Variants in CHST9 observed in about 807,000 individuals in gnomAD.
CHST9 encodes the protein carbohydrate sulfotransferase 9.
CHST9 carries 41 observed loss-of-function variants against 44.4 expected under a neutral mutation model. The ratio of observed to expected loss-of-function variants is 0.92; its 90% CI spans 0.72 to 1.20. The LOEUF (loss-of-function observed/expected upper bound fraction) is 1.20, where lower values mean the gene tolerates loss of function less well. Among genes scored for constraint, CHST9 ranks in the 50% most tolerant of loss-of-function variants. The pLI is 0.00. For synonymous variants in CHST9, 171 were observed against 178.4 expected, an observed-to-expected ratio of 0.96 and a Z score of 0.33; for missense variants, 504 against 516.5, an observed-to-expected ratio of 0.98 and a Z score of 0.23.
intron 1 of CHST9, among the ~76,000 whole-genome samples, chr18:27,151,052 A>T (rs1455056775): frequency 1.3e-5 from 2 of 152,176 alleles, no homozygotes; most frequent in Non-Finnish European, 2.9e-5. Context: ...AGAAACTGAG[A>T]TGGTACTCAT....
At chr18:27,020,455 C>T (rs1158434949) in intron 4 of CHST9, among the ~76,000 whole-genome samples, 5 of 152,222 alleles carry the variant, frequency 3.3e-5, no homozygotes, top group East Asian at 3.8e-4. Flanking sequence ...AAAATACTCT[C>T]GGTCTCTCAA....
chr18:26,973,336 C>T (rs1476272996), intron 4 of CHST9, among the ~76,000 whole-genome samples: 1 of 152,130 alleles, frequency 6.6e-6, no homozygotes, highest in African/African-American at 2.4e-5. Context: ...ATTAGGCACA[C>T]AACAAGTGTG....
intron 1 of CHST9, among the ~76,000 whole-genome samples, chr18:27,155,838 G>C (rs915327423): frequency 2.0e-5 from 3 of 152,050 alleles, no homozygotes; most frequent in Admixed American, 6.6e-5. Context: ...GACAAATAGT[G>C]TTATGAGAAT....
chr18:27,115,200 G>A (rs1428294891), intron 2 of CHST9, among the ~76,000 whole-genome samples: 1 of 152,050 alleles, frequency 6.6e-6, no homozygotes, highest in African/African-American at 2.4e-5. Flanking sequence ...ACCCAGTCTT[G>A]GGTGTTTCTT....
intron 4 of CHST9, among the ~76,000 whole-genome samples, chr18:26,965,587 C>G (rs1387203958): frequency 6.6e-6 from 1 of 152,194 alleles, no homozygotes; most frequent in African/African-American, 2.4e-5. Context: ...TTTAACATCT[C>G]TAAGCCACTG....
At chr18:27,118,907 T>C (rs2058351485) in intron 2 of CHST9, among the ~76,000 whole-genome samples, 2 of 151,320 alleles carry the variant, frequency 1.3e-5, no homozygotes, top group Non-Finnish European at 3.0e-5. Context: ...TCAAAAATAA[T>C]GAAATCATTA....
Position 26,951,561 on chromosome 18 carries a change from G to GT in CHST9, c.203-7196dup, listed in dbSNP as rs57277860. On this transcript the variant is annotated intron_variant, in intron 4 of 5. Transcript: ENST00000618847. The stretch of plus-strand genomic sequence containing the variant: ...TCTATCTGTTGCTCAAAGTCTTTTT[G>GT]TTTTTTTTTTGGTCAAAGGGATTTG... Among the ~76,000 whole-genome samples, 438 of 150,880 alleles carry GT rather than the reference G, an allele frequency of 2.9e-3. 5 individuals are homozygous for GT. The highest frequency in any genetic ancestry group is 9.4e-3 in the African/African-American group (386 of 41,226).
At chr18:27,018,824 A>G (rs1196401812) in intron 4 of CHST9, among the ~76,000 whole-genome samples, 6 of 152,174 alleles carry the variant, frequency 3.9e-5, no homozygotes, top group Non-Finnish European at 8.8e-5. Context: ...ACATGCCCCC[A>G]GGCAAGCAGG....
intron 4 of CHST9, among the ~76,000 whole-genome samples, chr18:26,975,481 A>G (rs577199205): frequency 6.6e-6 from 1 of 151,836 alleles, no homozygotes; most frequent in African/African-American, 2.4e-5. Flanking sequence ...CTCTAAGTCC[A>G]TGTGCACACA....
At chr18:27,141,226 G>A (rs1325711397) in intron 2 of CHST9, among the ~76,000 whole-genome samples, 7 of 152,212 alleles carry the variant, frequency 4.6e-5, no homozygotes, top group East Asian at 1.9e-4. Context: ...TTAGCCGGGC[G>A]TGGTGGCGGG....
intron 4 of CHST9, among the ~76,000 whole-genome samples, chr18:26,995,132 C>A (rs1187338123): frequency 6.6e-6 from 1 of 151,518 alleles, no homozygotes; most frequent in Non-Finnish European, 1.5e-5. Context: ...AAGTAGCAAC[C>A]CTTAAGATGA....
intron 1 of CHST9, among the ~76,000 whole-genome samples, chr18:27,173,503 T>C (rs1455080425): frequency 1.3e-5 from 2 of 152,056 alleles, no homozygotes; most frequent in Non-Finnish European, 2.9e-5. Flanking sequence ...CCTTTAAAAT[T>C]TCTCATGTTG....
intron 1 of CHST9, among the ~76,000 whole-genome samples, chr18:27,158,547 T>G (rs1043657233): frequency 5.9e-5 from 9 of 151,990 alleles, no homozygotes; most frequent in African/African-American, 1.9e-4. Context: ...CTATTGTGAA[T>G]AGTGCCACAA....
At position 27,021,781 on chromosome 18, in the gene CHST9, G is replaced by A. The variant is rs74750218; in HGVS notation, c.202+2335C>T. Among the ~76,000 whole-genome samples, 1,046 of 152,270 alleles carry A rather than the reference G, an allele frequency of 6.9e-3. 12 individuals carry two copies. Among genetic ancestry groups the A allele is most frequent in the African/African-American group, 0.024 (998 of 41,554 alleles). ...ATATCTTTAATGCTCTCAGTAACCC[G>A]TGTAAGCTATGTGCTGTTGTCCTTA... is the stretch of plus-strand genomic sequence containing the variant. On this transcript the variant is annotated intron_variant, in intron 4 of 5. Transcript: ENST00000618847.
chr18:27,152,317 A>G (rs536861583), intron 1 of CHST9, among the ~76,000 whole-genome samples: 3 of 151,132 alleles, frequency 2.0e-5, no homozygotes, highest in Admixed American at 1.3e-4. Context: ...CTCATATTTT[A>G]CATTCTAGTA....
chr18:27,055,221 A>G (rs981810170), intron 2 of CHST9, among the ~76,000 whole-genome samples: 1 of 152,196 alleles, frequency 6.6e-6, no homozygotes. Flanking sequence ...TACTGTGCAC[A>G]TGCTACTTAT....
intron 2 of CHST9, among the ~76,000 whole-genome samples, chr18:27,135,089 A>T (rs564422630): frequency 6.6e-5 from 10 of 152,302 alleles, no homozygotes; most frequent in Admixed American, 3.9e-4. Context: ...TGCATATGTT[A>T]AGTGGCTTGA....
At chr18:27,089,725 A>G (rs767404705) in intron 2 of CHST9, among the ~76,000 whole-genome samples, 30 of 152,022 alleles carry the variant, frequency 2.0e-4, no homozygotes, top group Non-Finnish European at 3.1e-4. Context: ...GTCTTCCACA[A>G]TAGTTGAACT....
chr18:27,035,372 A>G (rs1017743769), intron 3 of CHST9, among the ~76,000 whole-genome samples: 1 of 152,010 alleles, frequency 6.6e-6, no homozygotes, highest in Non-Finnish European at 1.5e-5. Context: ...ATTTTTTGCT[A>G]TGAAGTTGTA....
Sources: allele counts gnomAD v4.1 joint callset (sites outside exome capture counted in the v4.1 genomes callset), GRCh38; gene constraint gnomAD v4.1.1; transcripts MANE v1.5; gene names NCBI Gene and HGNC (gene_info 2026-07-23, HGNC 2026-07-21).